KHDRBS1: variants seen among roughly 807,000 people sequenced by gnomAD.
KHDRBS1 encodes KH RNA binding domain containing, signal transduction associated 1, also known as KH domain-containing, RNA-binding, signal transduction-associated protein 1.
A neutral mutation model predicts 48.4 loss-of-function variants in KHDRBS1; 7 were observed. The ratio of observed to expected loss-of-function variants is 0.14; its 90% CI spans 0.08 to 0.27. The LOEUF is 0.27. Ranked by LOEUF, KHDRBS1 falls within the 10% of genes least tolerant of loss-of-function variation. The probability of loss-of-function intolerance (pLI) is 1.00; values close to 1 mark genes in which losing one functional copy is unlikely to be tolerated. For missense variants in KHDRBS1, 458 were observed against 601.2 expected (o/e 0.76, Z 2.49); for synonymous variants, 241 against 235.8 (o/e 1.02, Z -0.20).
At chr1:32,030,584 A>G (rs1023625050) in intron 2 of KHDRBS1, among the ~76,000 whole-genome samples, 162 bp downstream of exon 2, 1 of 152,180 alleles carries the variant, frequency 6.6e-6, no homozygotes, top group Admixed American at 6.5e-5. Flanking sequence ...TGAAATATCT[A>G]AGTTCTTAAC....
chr1:32,030,520 A>C, intron 2 of KHDRBS1, 98 bp downstream of exon 2: 1 of 1,010,156 alleles, frequency 9.9e-7, no homozygotes. Context: ...ATGCTTTAGA[A>C]ACTTAAGCCT....
chr1:32,030,764 T>G (rs1639065925), intron 2 of KHDRBS1, among the ~76,000 whole-genome samples: 1 of 152,002 alleles, frequency 6.6e-6, no homozygotes, highest in Non-Finnish European at 1.5e-5. Context: ...GGAAATATAA[T>G]ATGAATCCTC....
intron 10 of KHDRBS1, among the ~76,000 whole-genome samples, chr1:32,059,163 GA>G (rs1014159443): frequency 3.1e-5 from 3 of 96,322 alleles, no homozygotes; most frequent in African/African-American, 1.3e-4. Flanking sequence ...TCTGTCTCAG[GA>G]GAAAAAAAAA....
downstream of KHDRBS1, among the ~76,000 whole-genome samples, chr1:32,047,827 A>C (rs182024304): frequency 6.6e-3 from 1,008 of 152,334 alleles, 12 homozygotes; most frequent in Middle Eastern, 0.02. Context: ...CTCTAAAAAC[A>C]AATCTTATAT....
chr1:32,046,961 A>G (rs1472598207), downstream of KHDRBS1, among the ~76,000 whole-genome samples: 2 of 151,930 alleles, frequency 1.3e-5, no homozygotes, highest in Non-Finnish European at 2.9e-5. Flanking sequence ...TTTAGTCTCA[A>G]CTCTTCCTAG....
chr1:32,014,761 G>A (rs949032382), intron 1 of KHDRBS1, among the ~76,000 whole-genome samples: 1 of 152,178 alleles, frequency 6.6e-6, no homozygotes, highest in Non-Finnish European at 1.5e-5. Flanking sequence ...CGCGGGTGGC[G>A]ATGAGCGCCT....
intron 8 of KHDRBS1, among the ~76,000 whole-genome samples, chr1:32,041,777 A>T (rs563361960): frequency 2.6e-5 from 4 of 151,954 alleles, no homozygotes; most frequent in African/African-American, 9.7e-5. Context: ...TTTAGTAGAG[A>T]TGGGGTTTCA....
intron 6 of KHDRBS1, 152 bp downstream of exon 6, chr1:32,038,188 TAGA>T (rs1287128161): frequency 5.6e-6 from 7 of 1,256,418 alleles, no homozygotes; most frequent in Non-Finnish European, 7.6e-6. Flanking sequence ...GTTGAACTAT[TAGA>T]AGATTTTTCC....
intron 1 of KHDRBS1, among the ~76,000 whole-genome samples, chr1:32,020,443 C>T (rs1042838014): frequency 2.0e-5 from 3 of 151,230 alleles, no homozygotes; most frequent in Non-Finnish European, 4.4e-5. Flanking sequence ...ACGTGCTTAC[C>T]GTATCGTTCA....
intron 3 of KHDRBS1, 38 bp downstream of exon 3, chr1:32,031,678 G>T: frequency 7.6e-7 from 1 of 1,322,352 alleles, no homozygotes; most frequent in Non-Finnish European, 1.1e-6. Flanking sequence ...ACATCCTAAT[G>T]CCTTCTACTT....
At chr1:32,022,485 A>G (rs1434599862) in intron 1 of KHDRBS1, among the ~76,000 whole-genome samples, 3 of 152,144 alleles carry the variant, frequency 2.0e-5, no homozygotes, top group Non-Finnish European at 4.4e-5. Context: ...GAGGGTATGA[A>G]ATGAACCCTG....
At chr1:32,030,454 T>C in intron 2 of KHDRBS1, 32 bp downstream of exon 2, 9 of 1,581,474 alleles carry the variant, frequency 5.7e-6, no homozygotes, top group Non-Finnish European at 6.9e-6. Flanking sequence ...ATCTTTGAGT[T>C]ATCTTTATAG....
intron 1 of KHDRBS1, among the ~76,000 whole-genome samples, chr1:32,026,918 C>A (rs981404076): frequency 6.6e-6 from 1 of 152,190 alleles, no homozygotes. Context: ...CCTCAGCCTC[C>A]TCGGTAGCTG....
chr1:32,014,229 G>A lies in KHDRBS1; in HGVS notation c.234G>A (p.Val78=). The A allele has an allele frequency of 6.7e-7, 1 of 1,489,308 alleles. No homozygotes were observed. The highest frequency in any genetic ancestry group is 9.0e-7 in the Non-Finnish European group (1 of 1,113,706). The allele number at this position is 1,489,308 out of a possible 1,614,324, so 92.3% of individuals were successfully genotyped here. ...CGGCCACGGGTCCCGACGCGACAGTGGGCGGGCCAGCGCCGACCCCGCTGC... is the reference window on the plus strand; with the variant it reads ...CGGCCACGGGTCCCGACGCGACAGTAGGCGGGCCAGCGCCGACCCCGCTGC... The part of the protein sequence containing the change: ...PPSATGPDAT[V]GGPAPTPLLP... The change falls in exon 1 of 9, where the codon GTG becomes GTA. Residue 78 remains valine (V), a synonymous_variant. Coordinates refer to ENST00000327300, the MANE Select transcript of KHDRBS1 (RefSeq NM_006559.3).
intron 1 of KHDRBS1, among the ~76,000 whole-genome samples, chr1:32,014,849 G>A (rs1198916505): frequency 1.3e-5 from 2 of 152,222 alleles, no homozygotes; most frequent in African/African-American, 4.8e-5. Context: ...GGTGGGGTGA[G>A]GCTGGAATGC....
chr1:32,058,757 C>G (rs1389364202), intron 10 of KHDRBS1, among the ~76,000 whole-genome samples: 2 of 152,174 alleles, frequency 1.3e-5, no homozygotes, highest in East Asian at 3.9e-4. Context: ...GAATTGAGAT[C>G]GTGCCACTGC....
chr1:32,058,589 G>A (rs1639508529), intron 10 of KHDRBS1, among the ~76,000 whole-genome samples: 2 of 152,160 alleles, frequency 1.3e-5, no homozygotes, highest in Admixed American at 6.5e-5. Flanking sequence ...ACTTGCTGAT[G>A]AGTGGAGAAT....
chr1:32,057,735 C>G (rs1639496121), intron 10 of KHDRBS1, among the ~76,000 whole-genome samples: 1 of 146,680 alleles, frequency 6.8e-6, no homozygotes, highest in South Asian at 2.2e-4. Flanking sequence ...GGAGGCAGAG[C>G]TTGCAGTGAG....
chr1:32,020,122 C>T (rs1248204197), intron 1 of KHDRBS1, among the ~76,000 whole-genome samples: 5 of 151,916 alleles, frequency 3.3e-5, no homozygotes, highest in African/African-American at 1.2e-4. Flanking sequence ...ACTAAATGTG[C>T]TTATTGGCTG....
Sources: gnomAD v4.1 joint callset for allele counts (sites outside exome capture counted in the v4.1 genomes callset) on GRCh38, gnomAD v4.1.1 for gene constraint, MANE v1.5 for transcripts, NCBI Gene and HGNC (gene_info 2026-07-23, HGNC 2026-07-21) for gene names.